SEMA6B: variants seen among roughly 807,000 people sequenced by gnomAD.
The protein encoded by SEMA6B is semaphorin-6B.
In SEMA6B, 47 loss-of-function variants were observed where a neutral mutation model predicts 78.6. That is an observed-to-expected ratio of 0.60 (90% CI 0.47 to 0.76). The LOEUF is 0.76. Among genes scored for constraint, SEMA6B ranks in the 30% least tolerant of loss-of-function variants. SEMA6B has a pLI of 0.00. For synonymous variants in SEMA6B, 632 were observed against 592.2 expected, an observed-to-expected ratio of 1.07 and a Z score of -0.98; for missense variants, 1,213 against 1,269.9, an observed-to-expected ratio of 0.96 and a Z score of 0.68.
Position 4,558,197 on chromosome 19 carries a change from A to G in SEMA6B, c.122-48T>C. The G allele has an allele frequency of 7.2e-7, 1 of 1,381,194 alleles. No homozygotes were observed. 85.6% of individuals were successfully genotyped at this position (1,381,194 alleles called of 1,614,324 possible). On this transcript the variant is annotated intron_variant, in intron 2 of 16. Transcript: ENST00000586582. This position sits in a 1 kb window ranked among gnomAD's most constrained non-coding sequence, Gnocchi z 5.1. ...GTGTGAGCAAGGGCTGGGGGTGAAG[A>G]GAGGGTGGCCTGAGGTCATGCCCCT... is the stretch of plus-strand genomic sequence containing the variant.
At chr19:4,554,842 C>G (rs1418687678) in intron 8 of SEMA6B, 134 bp downstream of exon 8, 18 of 1,154,538 alleles carry the variant, frequency 1.6e-5, no homozygotes, top group Non-Finnish European at 2.2e-5. Flanking sequence ...TTCAAAAAGG[C>G]CAACAGATTC....
rs1338743710 is a variant in SEMA6B, at chr19:4,552,031, CCA to C, written c.989+389_989+390del. Among the ~76,000 whole-genome samples the C allele has an allele frequency of 2.0e-5, 3 of 152,260 alleles. No homozygotes were observed. The highest frequency in any genetic ancestry group is 7.2e-5 in the African/African-American group (3 of 41,540). ...TGTGCATTCTCCCCTAGTTCCCTTC[CCA>C]CACAGACTCTCTCACGATTACTTAA... is the stretch of plus-strand genomic sequence containing the variant. On this transcript the variant is annotated intron_variant, in intron 10 of 16. Coordinates refer to ENST00000586582, the MANE Select transcript of SEMA6B (RefSeq NM_032108.4). This position sits in a 1 kb window ranked among gnomAD's most constrained non-coding sequence, Gnocchi z 7.4.
At chr19:4,549,957 C>T (rs1977278218) in intron 12 of SEMA6B, among the ~76,000 whole-genome samples, 166 bp downstream of exon 12, 1 of 152,182 alleles carries the variant, frequency 6.6e-6, no homozygotes, top group Non-Finnish European at 1.5e-5. Context: ...TTTGTTCTCT[C>T]TTTCCTAGTG....
In SEMA6B at chr19:4,555,448, C is replaced by G; in HGVS notation, c.562+26G>C. ...GGTCTTGCCTGTGGCTGGGGCTGAT[C>G]AGATGGAGGTTGGGGGGGTACTTAC... On this transcript the variant is annotated intron_variant, in intron 7 of 16. Coordinates refer to ENST00000586582, the MANE Select transcript of SEMA6B (RefSeq NM_032108.4). This position sits in a 1 kb window ranked among gnomAD's most constrained non-coding sequence, Gnocchi z 6.1. 2 of 1,593,132 alleles carry G rather than the reference C, an allele frequency of 1.3e-6. No individual in the cohort carries two copies. Among genetic ancestry groups the G allele is most frequent in the South Asian group, 2.2e-5 (2 of 89,616 alleles).
chr19:4,556,693 T>G (rs1977479081), intron 5 of SEMA6B, among the ~76,000 whole-genome samples: 1 of 151,734 alleles, frequency 6.6e-6, no homozygotes, highest in Non-Finnish European at 1.5e-5. Context: ...TAGCCAGAAC[T>G]ATTTGGGGCG....
At position 4,556,072 on chromosome 19, in the gene SEMA6B, G is replaced by A. The variant is rs765059242; in HGVS notation, c.387C>T (p.Phe129=). The stretch of plus-strand genomic sequence containing the variant: ...CGTCCCGAAGGAGCAGCACCTTTAC[G>A]AAGTTTCGACACTCGCCCTGAGGTG... ...KGKQEGECRN[F]VKVLLLRDES... The change falls in exon 6 of 17, where the codon TTC becomes TTT. Residue 129 remains phenylalanine (F), a synonymous_variant. Coordinates refer to ENST00000586582, the MANE Select transcript of SEMA6B (RefSeq NM_032108.4). The A allele has an allele frequency of 1.9e-6, 3 of 1,614,004 alleles. No homozygotes were observed. Among genetic ancestry groups the A allele is most frequent in the African/African-American group, 2.7e-5 (2 of 75,068 alleles).
Position 4,546,244 on chromosome 19 carries a change from G to C in SEMA6B, c.1710C>G (p.Ala570=). The part of the protein sequence containing the change: ...RAAFEQDVSG[A]STSGLGDCTG... ...TGCAGTCCCCTAAGCCTGAGGTGCT[G>C]GCCCCGGACACGTCCTGCTCAAAGG... The change falls in exon 16 of 17, where the codon GCC becomes GCG. Residue 570 remains alanine (A), a synonymous_variant. Coordinates refer to ENST00000586582, the MANE Select transcript of SEMA6B (RefSeq NM_032108.4). The C allele has an allele frequency of 6.2e-7, 1 of 1,613,044 alleles. No individual in the cohort carries two copies. Among genetic ancestry groups the C allele is most frequent in the Non-Finnish European group, 8.5e-7 (1 of 1,179,932 alleles).
chr19:4,546,247 C>T lies in SEMA6B; in HGVS notation c.1707G>A (p.Gly569=), dbSNP rs147457538. 6.2e-7 allele frequency: 1 copy of T among 1,613,018 alleles called. No individual in the cohort carries two copies. Among genetic ancestry groups the T allele is most frequent in the African/African-American group, 1.3e-5 (1 of 74,912 alleles). The change falls in exon 16 of 17, where the codon GGG becomes GGA. Residue 569 remains glycine, a synonymous_variant. Coordinates refer to ENST00000586582, the MANE Select transcript of SEMA6B (RefSeq NM_032108.4). ...TRAAFEQDVS[G]ASTSGLGDCT... is the part of the protein sequence containing the mutation. ...AGTCCCCTAAGCCTGAGGTGCTGGC[C>T]CCGGACACGTCCTGCTCAAAGGCGG...
At chr19:4,554,246 A>G in intron 9 of SEMA6B, 142 bp downstream of exon 9, 2 of 677,986 alleles carry the variant, frequency 2.9e-6, no homozygotes, top group Non-Finnish European at 5.2e-6. Context: ...GGGCCTGATC[A>G]TGGCTGGAAA....
chr19:4,545,513 T>C (rs1187303293), intron 16 of SEMA6B, among the ~76,000 whole-genome samples: 1 of 151,622 alleles, frequency 6.6e-6, no homozygotes, highest in Non-Finnish European at 1.5e-5. Context: ...TATTTTTGGG[T>C]TTTTGTTTTA....
chr19:4,557,223 C>T lies in SEMA6B; in HGVS notation c.246G>A (p.Arg82=). ...CCAGCTCTACGCGGTAGAGGTTGTC[C>T]CTGGGGGAGGGGCATAGTTAGTGAG... is the stretch of plus-strand genomic sequence containing the variant. The part of the protein sequence containing the change: ...RVNRTLFIGD[R]DNLYRVELEP... The change falls in exon 4 of 17, where the codon AGG becomes AGA. Residue 82 remains arginine, a splice_region_variant and synonymous_variant. Coordinates refer to ENST00000586582, the MANE Select transcript of SEMA6B (RefSeq NM_032108.4). The T allele has an allele frequency of 6.3e-7, 1 of 1,576,276 alleles. No homozygotes were observed. Among genetic ancestry groups the T allele is most frequent in the South Asian group, 1.2e-5 (1 of 84,632 alleles).
rs551392855 is a variant in SEMA6B, at chr19:4,543,346, G to A, written c.*255C>T. On this transcript the variant is annotated 3_prime_UTR_variant, in exon 17 of 17. Transcript: ENST00000586582. ...AAAAAACCAAAACCTACGCGCATAA[G>A]GTCAACCTCAAATCCATAGCAAAGT... 20 of 446,876 alleles carry A rather than the reference G, an allele frequency of 4.5e-5. No individual in the cohort carries two copies. The South Asian group carries it at 1.1e-3, about 24-fold the overall frequency. The allele number at this position is 446,876 out of a possible 1,614,324, so 27.7% of individuals were successfully genotyped here.
intron 5 of SEMA6B, among the ~76,000 whole-genome samples, chr19:4,556,467 G>C (rs1198073605): frequency 3.3e-5 from 5 of 151,192 alleles, no homozygotes; most frequent in South Asian, 2.1e-4. Flanking sequence ...GGCCAAGTTG[G>C]GAGCGTGGCC....
rs140309637 is a variant in SEMA6B, at chr19:4,547,871, G to T, written c.1601+156C>A. ...ACCTTGCTGTTCTTCCAACACACCAGGAGTGGTCCTGCCCGCGGGCCTTTG... is the reference window on the plus strand; with the variant it reads ...ACCTTGCTGTTCTTCCAACACACCATGAGTGGTCCTGCCCGCGGGCCTTTG... On this transcript the variant is annotated intron_variant, in intron 14 of 16. Coordinates refer to ENST00000586582, the MANE Select transcript of SEMA6B (RefSeq NM_032108.4). 2.2e-3 allele frequency among the ~76,000 whole-genome samples: 338 copies of T among 152,160 alleles called. 1 individual carries two copies. The highest frequency in any genetic ancestry group is 7.8e-3 in the African/African-American group (324 of 41,516).
In SEMA6B at chr19:4,557,205, T is replaced by C; in HGVS notation, c.264A>G (p.Val88=). Residue 88 remains valine (V), a synonymous_variant, in exon 4 of 17, where the codon GTA becomes GTG. Coordinates refer to ENST00000586582, the MANE Select transcript of SEMA6B (RefSeq NM_032108.4). ...FIGDRDNLYR[V]ELEPPTSTEL... ...CCGTGGACGTGGGGGGCTCCAGCTCTACGCGGTAGAGGTTGTCCCTGGGGG... is the reference window on the plus strand; with the variant it reads ...CCGTGGACGTGGGGGGCTCCAGCTCCACGCGGTAGAGGTTGTCCCTGGGGG... 6.3e-7 allele frequency: 1 copy of C among 1,597,024 alleles called. No individual in the cohort carries two copies. Among genetic ancestry groups the C allele is most frequent in the South Asian group, 1.1e-5 (1 of 88,010 alleles).
At position 4,544,226 on chromosome 19, in the gene SEMA6B, A is replaced by C. The variant is rs1458243011; in HGVS notation, c.2042T>G (p.Leu681Arg). Residue 681 changes from leucine to arginine, a missense_variant, in exon 17 of 17, where the codon CTG becomes CGG. Transcript: ENST00000586582. The surrounding 1 kb of genome is among the most constrained non-coding windows in gnomAD (Gnocchi z 5.1). Reference sequence around the variant, plus strand: ...CCAGCCGTTCTGCATCAGGGGCGCCAGCAGGGCCTCCGGGGGAACCCCGGC... The same window carrying C: ...CCAGCCGTTCTGCATCAGGGGCGCCCGCAGGGCCTCCGGGGGAACCCCGGC... Reference protein sequence around the residue: ...GGAGVPPEALLAPLMQNGWAK... With the variant: ...GGAGVPPEALRAPLMQNGWAK... 1 of 1,274,150 alleles carries C rather than the reference A, an allele frequency of 7.8e-7. No homozygotes were observed. Among genetic ancestry groups the C allele is most frequent in the African/African-American group, 1.6e-5 (1 of 63,930 alleles). The allele number at this position is 1,274,150 out of a possible 1,614,324, so 78.9% of individuals were successfully genotyped here.
chr19:4,551,760 C>G (rs1367121151), intron 10 of SEMA6B, among the ~76,000 whole-genome samples: 1 of 151,538 alleles, frequency 6.6e-6, no homozygotes, highest in African/African-American at 2.4e-5. Flanking sequence ...ACCCAGGAGG[C>G]AGAGGTTGTG....
intron 4 of SEMA6B, 59 bp downstream of exon 4, chr19:4,557,104 G>A: frequency 6.3e-7 from 1 of 1,587,738 alleles, no homozygotes; most frequent in Non-Finnish European, 8.6e-7. Context: ...CAGCTCCCCG[G>A]CGCAGTGCCG....
At chr19:4,546,517 A>G in intron 14 of SEMA6B, 48 bp from the exon 15 acceptor site, 1 of 1,407,394 alleles carries the variant, frequency 7.1e-7, no homozygotes, top group Non-Finnish European at 9.7e-7. Flanking sequence ...AGTCACTTAC[A>G]CAACCCCAAT....
Sources: allele counts gnomAD v4.1 joint callset (sites outside exome capture counted in the v4.1 genomes callset), GRCh38; gene constraint gnomAD v4.1.1; non-coding constraint Gnocchi (gnomAD v3.1); transcripts MANE v1.5; gene names NCBI Gene and HGNC (gene_info 2026-07-23, HGNC 2026-07-21).